Variants in INSC observed in about 807,000 individuals in gnomAD.
INSC encodes the protein protein inscuteable homolog.
A neutral mutation model predicts 58.6 loss-of-function variants in INSC; 67 were observed. That is an observed-to-expected ratio of 1.14 (90% CI 0.94 to 1.40). The LOEUF (loss-of-function observed/expected upper bound fraction) is 1.40, where lower values mean the gene tolerates loss of function less well. Ranked by LOEUF, INSC falls within the 40% of genes most tolerant of loss-of-function variation. The pLI, the probability that INSC is intolerant of heterozygous loss-of-function variation, is 0.00. For missense variants in INSC, 714 were observed against 692.0 expected (o/e 1.03, Z -0.36); for synonymous variants, 262 against 276.1 (o/e 0.95, Z 0.51).
chr11:15,171,736 A>C (rs1012577355), intron 2 of INSC, among the ~76,000 whole-genome samples: 1 of 152,222 alleles, frequency 6.6e-6, no homozygotes, highest in Non-Finnish European at 1.5e-5. Flanking sequence ...CAAGCAATAG[A>C]AATTAACTCT....
At chr11:15,151,132 A>G (rs534334555) in intron 2 of INSC, among the ~76,000 whole-genome samples, 1 of 152,276 alleles carries the variant, frequency 6.6e-6, no homozygotes, top group East Asian at 1.9e-4. Context: ...CTGGGCCCCC[A>G]CACAGCAGGA....
chr11:15,230,333 A>G (rs948854149), intron 9 of INSC, among the ~76,000 whole-genome samples: 5 of 152,078 alleles, frequency 3.3e-5, no homozygotes, highest in South Asian at 2.1e-4. Context: ...AAAACTTACA[A>G]TAATGATGGA....
intron 9 of INSC, among the ~76,000 whole-genome samples, chr11:15,229,388 G>A (rs1851760568): frequency 6.6e-6 from 1 of 152,080 alleles, no homozygotes; most frequent in African/African-American, 2.4e-5. Context: ...TCTCTCTATA[G>A]TTTATAAAGC....
At chr11:15,226,752 C>T (rs929568889) in intron 9 of INSC, among the ~76,000 whole-genome samples, 2 of 152,204 alleles carry the variant, frequency 1.3e-5, no homozygotes, top group African/African-American at 4.8e-5. Context: ...GGTTTCAGCC[C>T]TCTGGAATTG....
chr11:15,210,347 T>G (rs2133904929), intron 7 of INSC, among the ~76,000 whole-genome samples: 1 of 99,764 alleles, frequency 1.0e-5, no homozygotes, highest in East Asian at 7.5e-4. Context: ...AGTTAGATGT[T>G]TAGCTGGCAG....
the INSC span, among the ~76,000 whole-genome samples, chr11:15,257,522 C>T: frequency 1.4e-4 from 22 of 151,792 alleles, no homozygotes; most frequent in Non-Finnish European, 2.4e-4. Flanking sequence ...GTGAATTTTA[C>T]GCCCCCAAAA....
At chr11:15,239,140 T>A in intron 11 of INSC, 66 bp downstream of exon 11, 3 of 1,541,086 alleles carry the variant, frequency 1.9e-6, no homozygotes, top group Middle Eastern at 2.3e-4. Context: ...GCAGCTCTGA[T>A]TTCACAGTGG....
chr11:15,253,508 C>G, the INSC span, among the ~76,000 whole-genome samples: 1 of 151,984 alleles, frequency 6.6e-6, no homozygotes, highest in Non-Finnish European at 1.5e-5. Context: ...GTAACACCCA[C>G]AAACTCATAG....
chr11:15,180,740 T>G, intron 5 of INSC, among the ~76,000 whole-genome samples: 1 of 149,038 alleles, frequency 6.7e-6, no homozygotes, highest in Admixed American at 6.7e-5. Context: ...TTCATCTGCA[T>G]ATTAGTTTTC....
At chr11:15,141,822 T>A (rs1374171918) in intron 1 of INSC, among the ~76,000 whole-genome samples, 1 of 152,124 alleles carries the variant, frequency 6.6e-6, no homozygotes, top group Non-Finnish European at 1.5e-5. Flanking sequence ...TTCCTACCTC[T>A]CCACCCCTAG....
intron 8 of INSC, among the ~76,000 whole-genome samples, chr11:15,223,329 G>A (rs1191842253): frequency 6.6e-6 from 1 of 152,156 alleles, no homozygotes; most frequent in African/African-American, 2.4e-5. Context: ...CTGAGCCAAG[G>A]GGTCTTCCTA....
intron 7 of INSC, among the ~76,000 whole-genome samples, chr11:15,212,450 G>A (rs10832373): frequency 0.25 from 37,278 of 152,070 alleles, 5,550 homozygotes; most frequent in East Asian, 0.74. Context: ...ACTGGGCCCC[G>A]CCAGAAATTG....
intron 2 of INSC, among the ~76,000 whole-genome samples, chr11:15,158,442 T>A (rs1848893737): frequency 6.6e-6 from 1 of 152,084 alleles, no homozygotes; most frequent in South Asian, 2.1e-4. Context: ...GTGTCTCCCC[T>A]ATGTGGAAGT....
At chr11:15,173,048 A>G (rs745331504) in intron 2 of INSC, among the ~76,000 whole-genome samples, 109 of 152,238 alleles carry the variant, frequency 7.2e-4, no homozygotes, top group Non-Finnish European at 1.2e-3. Context: ...ATTACAATTC[A>G]GAACATATGA....
chr11:15,229,997 ATATATATATATATATAATATATATAT>A (rs1851841238), intron 9 of INSC, among the ~76,000 whole-genome samples: 1 of 27,496 alleles, frequency 3.6e-5, no homozygotes, highest in South Asian at 1.6e-3. Context: ...ATATATATAT[ATATATATATATATATAATATATATAT>A]ATATATATAT....
intron 1 of INSC, among the ~76,000 whole-genome samples, chr11:15,141,439 G>C (rs1160736712): frequency 1.3e-5 from 2 of 152,150 alleles, no homozygotes; most frequent in African/African-American, 4.8e-5. Flanking sequence ...AGGGTCTCAG[G>C]TCCTGGAGAG....
At chr11:15,232,157 T>C (rs1644112277) in intron 9 of INSC, among the ~76,000 whole-genome samples, 1 of 152,212 alleles carries the variant, frequency 6.6e-6, no homozygotes, top group African/African-American at 2.4e-5. Flanking sequence ...CACACTTTGC[T>C]GTTCTTCTGA....
intron 5 of INSC, among the ~76,000 whole-genome samples, chr11:15,185,865 T>TA (rs112913395): frequency 6.6e-6 from 1 of 152,152 alleles, no homozygotes; most frequent in African/African-American, 2.4e-5. Context: ...AAACTTATGA[T>TA]AAAAAAATTT....
chr11:15,116,911 C>CCTT (rs1847737977), intron 1 of INSC, among the ~76,000 whole-genome samples: 1 of 62,326 alleles, frequency 1.6e-5, no homozygotes, highest in Non-Finnish European at 3.1e-5. Context: ...CTCCCTCCCT[C>CCTT]CCTCCCTCCC....
Sources: gnomAD v4.1 joint callset for allele counts (sites outside exome capture counted in the v4.1 genomes callset) on GRCh38, gnomAD v4.1.1 for gene constraint, MANE v1.5 for transcripts, NCBI Gene and HGNC (gene_info 2026-07-23, HGNC 2026-07-21) for gene names.